The following N4BP2L2 variants were observed in gnomAD, a reference collection of about 807,000 sequenced individuals.
N4BP2L2 encodes NEDD4-binding protein 2-like 2.
Under a neutral mutation model 56.2 loss-of-function variants are expected in N4BP2L2, and 50 were observed. That is an observed-to-expected ratio of 0.89 (90% CI 0.71 to 1.13). The LOEUF (loss-of-function observed/expected upper bound fraction) is 1.13. Ranked by LOEUF, N4BP2L2 falls within the 50% of genes most tolerant of loss-of-function variation. The pLI is 0.00. For missense variants in N4BP2L2, 689 were observed against 693.8 expected (o/e 0.99, Z 0.08); for synonymous variants, 203 against 223.6 (o/e 0.91, Z 0.82).
Position 32,535,764 on chromosome 13 carries a change from C to T in N4BP2L2, c.1259+5G>A, listed in dbSNP as rs779816840. 4 of 1,609,648 alleles carry T rather than the reference C, an allele frequency of 2.5e-6. No individual in the cohort carries two copies. Among genetic ancestry groups the T allele is most frequent in the Non-Finnish European group, 3.4e-6 (4 of 1,178,078 alleles). ...CCAAGTATTCAGTTGGTATCCTTTACTTACCGAGACAATGTTGTTTTCCCA... is the reference window on the plus strand; with the variant it reads ...CCAAGTATTCAGTTGGTATCCTTTATTTACCGAGACAATGTTGTTTTCCCA... On this transcript the variant is annotated splice_donor_5th_base_variant and intron_variant, in intron 2 of 5. Transcript: ENST00000267068.
At position 32,461,489 on chromosome 13, in the gene N4BP2L2, A is replaced by G. The variant is rs138170269; in HGVS notation, c.366-17363T>C. On this transcript the variant is annotated intron_variant, in intron 6 of 9. Coordinates refer to the N4BP2L2 transcript ENST00000357505. Reference sequence around the variant, plus strand: ...AAAGGATCTAAATAGACATTTCTCAAAAGAAGATATACAAATGGCCAACAG... The same window carrying G: ...AAAGGATCTAAATAGACATTTCTCAGAAGAAGATATACAAATGGCCAACAG... Among the ~76,000 whole-genome samples the G allele has an allele frequency of 1.3e-3, 191 of 152,372 alleles. 1 individual carries two copies. Among genetic ancestry groups the G allele is most frequent in the African/African-American group, 4.4e-3 (184 of 41,594 alleles).
chr13:32,537,790 A>G (rs2056919570), intron 1 of N4BP2L2, among the ~76,000 whole-genome samples: 1 of 152,192 alleles, frequency 6.6e-6, no homozygotes, highest in Non-Finnish European at 1.5e-5. Context: ...GCTTCCCTTT[A>G]GGCCTGGCAG....
At chr13:32,444,032 T>C in exon 7 of N4BP2L2, 1 of 1,608,658 alleles carries the variant, frequency 6.2e-7, no homozygotes, top group African/African-American at 1.3e-5. Context: ...TCCTCCATGA[T>C]TCTATTCTGA....
At chr13:32,444,618 T>C (rs1225104969) in intron 6 of N4BP2L2, among the ~76,000 whole-genome samples, 1 of 152,248 alleles carries the variant, frequency 6.6e-6, no homozygotes, top group Non-Finnish European at 1.5e-5. Flanking sequence ...TTTAATCCTA[T>C]ACATTAAAAA....
At chr13:32,504,858 C>T (rs1286356534) in intron 6 of N4BP2L2, 1 of 152,240 alleles carries the variant, frequency 6.6e-6, no homozygotes, top group Non-Finnish European at 1.5e-5. Flanking sequence ...GTGAGACAGG[C>T]ATAGGATAAA....
At chr13:32,536,854 G>A (rs1397525961) in exon 2 of N4BP2L2, 2 of 1,613,694 alleles carry the variant, frequency 1.2e-6, no homozygotes, top group African/African-American at 2.7e-5. Flanking sequence ...CATCAATGAT[G>A]GTCACAGGGA....
At position 32,527,445 on chromosome 13, in the gene N4BP2L2, A is replaced by T. The variant is rs753951333; in HGVS notation, c.1347T>A (p.Asn449Lys). 8.1e-6 allele frequency: 13 copies of T among 1,613,952 alleles called. No homozygotes were observed. In the East Asian group the frequency reaches 2.5e-4, roughly 30 times the overall value. Residue 449 changes from asparagine to lysine, a missense_variant, in exon 3 of 6, where the codon AAT (asparagine) becomes AAA (lysine). Coordinates refer to ENST00000267068, the Ensembl canonical transcript of N4BP2L2. ...TCCAGTCATGGGCATCACCAAGTTG[A>T]TTAACATTATACCTGTACCCATCTT...
intron 6 of N4BP2L2, among the ~76,000 whole-genome samples, chr13:32,481,023 G>A (rs1384014946): frequency 2.7e-5 from 4 of 147,908 alleles, no homozygotes; most frequent in African/African-American, 1.0e-4. Flanking sequence ...GGAGGCTGAG[G>A]CCGGAGAATC....
intron 6 of N4BP2L2, among the ~76,000 whole-genome samples, chr13:32,500,546 C>CAAAAAA (rs1169575568): frequency 1.9e-5 from 1 of 52,224 alleles, no homozygotes; most frequent in African/African-American, 5.0e-5. Flanking sequence ...CCTGTCTCTA[C>CAAAAAA]AAAAAAAAAA....
At chr13:32,464,869 A>T (rs962091855) in intron 6 of N4BP2L2, among the ~76,000 whole-genome samples, 4 of 152,256 alleles carry the variant, frequency 2.6e-5, no homozygotes, top group Non-Finnish European at 5.9e-5. Context: ...TAAAACTAAT[A>T]CAAATTAAAA....
exon 6 of N4BP2L2, chr13:32,510,306 A>G (rs2091570656): frequency 6.6e-6 from 1 of 152,112 alleles, no homozygotes; most frequent in Admixed American, 6.6e-5. Flanking sequence ...TTAGCAATCC[A>G]TTTATTGAAC....
At chr13:32,531,847 T>C (rs2054890612) in intron 2 of N4BP2L2, among the ~76,000 whole-genome samples, 1 of 152,226 alleles carries the variant, frequency 6.6e-6, no homozygotes, top group Non-Finnish European at 1.5e-5. Context: ...AAACAAAGTG[T>C]GTGCAGACGT....
chr13:32,436,803 A>G (rs531714245), intron 8 of N4BP2L2, among the ~76,000 whole-genome samples: 106 of 128,114 alleles, frequency 8.3e-4, no homozygotes, highest in African/African-American at 3.7e-3. Flanking sequence ...AAAAAAAAAA[A>G]AAAAAAAGAA....
intron 6 of N4BP2L2, among the ~76,000 whole-genome samples, chr13:32,469,983 T>C (rs2082003397): frequency 6.6e-6 from 1 of 152,200 alleles, no homozygotes; most frequent in East Asian, 1.9e-4. Context: ...AATCCACTGG[T>C]CCCTGAACAC....
Position 32,527,608 on chromosome 13 carries a change from A to G in N4BP2L2, c.1260-76T>C, listed in dbSNP as rs961944254. On this transcript the variant is annotated intron_variant, in intron 2 of 5. Transcript: ENST00000267068. ...CAGAAATAAACTATCAGAAATAAATATAACCAAGTGAAATAAATCACACAG... is the reference window on the plus strand; with the variant it reads ...CAGAAATAAACTATCAGAAATAAATGTAACCAAGTGAAATAAATCACACAG... The G allele has an allele frequency of 8.0e-6, 12 of 1,491,416 alleles. No homozygotes were observed. In the Admixed American group the frequency reaches 1.8e-4, roughly 23 times the overall value. 92.4% of individuals were successfully genotyped at this position (1,491,416 alleles called of 1,614,324 possible).
chr13:32,486,749 C>T lies in N4BP2L2; in HGVS notation c.365+31108G>A, dbSNP rs141495472. Among the ~76,000 whole-genome samples the T allele has an allele frequency of 2.3e-3, 354 of 152,018 alleles. 2 individuals are homozygous for T. The highest frequency in any genetic ancestry group is 8.0e-3 in the African/African-American group (333 of 41,452). ...GTGTGGTGGCTCCCACCTGTAATCC[C>T]AGCACTTTGGGAGGCAGAGGCAGGC... On this transcript the variant is annotated intron_variant, in intron 6 of 9. Transcript: ENST00000357505.
At chr13:32,536,754 C>T in exon 2 of N4BP2L2, 1 of 1,614,160 alleles carries the variant, frequency 6.2e-7, no homozygotes, top group East Asian at 2.2e-5. Flanking sequence ...TCAATAACAT[C>T]TGGTCTATTA....
intron 1 of N4BP2L2, among the ~76,000 whole-genome samples, chr13:32,537,922 T>C (rs573725727): frequency 9.9e-4 from 150 of 151,540 alleles, no homozygotes; most frequent in African/African-American, 3.3e-3. Context: ...TACAATAAAT[T>C]AGCCGGGCAT....
At chr13:32,478,144 C>T in intron 6 of N4BP2L2, 1 of 986,444 alleles carries the variant, frequency 1.0e-6, no homozygotes. Flanking sequence ...ATGGCCAGAA[C>T]ATTCAATCTC....
Sources: allele counts gnomAD v4.1 joint callset (sites outside exome capture counted in the v4.1 genomes callset), GRCh38; gene constraint gnomAD v4.1.1; transcripts MANE v1.5; gene names NCBI Gene and HGNC (gene_info 2026-07-23, HGNC 2026-07-21).